DPH6: variants seen among roughly 807,000 people sequenced by gnomAD.
The protein encoded by DPH6 is diphthine--ammonia ligase.
In DPH6, 33 loss-of-function variants were observed where a neutral mutation model predicts 38.2. The observed-to-expected ratio is 0.86, with a 90% CI of 0.65 to 1.15. The LOEUF (loss-of-function observed/expected upper bound fraction) is 1.15. Ranked by LOEUF, DPH6 falls within the 50% of genes most tolerant of loss-of-function variation. The probability of loss-of-function intolerance (pLI) is 0.00; values close to 1 mark genes in which losing one functional copy is unlikely to be tolerated. For synonymous variants in DPH6, 108 were observed against 103.0 expected, an observed-to-expected ratio of 1.05 and a Z score of -0.30; for missense variants, 325 against 320.0, an observed-to-expected ratio of 1.02 and a Z score of -0.12.
intron 3 of DPH6, among the ~76,000 whole-genome samples, chr15:35,455,525 A>T (rs980938091): frequency 2.0e-5 from 3 of 152,178 alleles, no homozygotes; most frequent in African/African-American, 7.2e-5. Context: ...ACAAAGCTAG[A>T]ATGGATTAAA....
intron 3 of DPH6, among the ~76,000 whole-genome samples, chr15:35,334,023 C>G (rs1245092876): frequency 6.6e-6 from 1 of 152,054 alleles, no homozygotes; most frequent in Non-Finnish European, 1.5e-5. Flanking sequence ...AACATAGGAA[C>G]AGAAAACCAA....
At position 35,371,902 on chromosome 15, in the gene DPH6, T is replaced by A; in HGVS notation, c.*248A>T. On this transcript the variant is annotated 3_prime_UTR_variant, in exon 9 of 9. Transcript: ENST00000256538. ...TAGATGAAATAAAAGAAAAAAAAGG[T>A]CATAGGGAAGATGTGTTAACGAAAG... 8.5e-7 allele frequency: 1 copy of A among 1,175,334 alleles called. No individual in the cohort carries two copies. The highest frequency in any genetic ancestry group is 1.6e-5 in the African/African-American group (1 of 61,722). The allele number at this position is 1,175,334 out of a possible 1,614,324, so 72.8% of individuals were successfully genotyped here.
chr15:35,264,015 G>A (rs1005383384), intron 3 of DPH6, among the ~76,000 whole-genome samples: 1 of 151,600 alleles, frequency 6.6e-6, no homozygotes, highest in Non-Finnish European at 1.5e-5. Flanking sequence ...GCCCAACATA[G>A]TTTATAATTT....
At chr15:35,261,587 C>T (rs1359596308) in intron 3 of DPH6, among the ~76,000 whole-genome samples, 2 of 151,930 alleles carry the variant, frequency 1.3e-5, no homozygotes, top group African/African-American at 4.8e-5. Flanking sequence ...AATCCCAACA[C>T]TTTGGGAGGC....
rs2051874479 is a variant in DPH6, at chr15:35,278,554, G to A, written n.201-57972C>T. 2.0e-5 allele frequency among the ~76,000 whole-genome samples: 3 copies of A among 152,210 alleles called. No homozygotes were observed. In the South Asian group the frequency reaches 6.2e-4, roughly 32 times the overall value. On this transcript the variant is annotated intron_variant and non_coding_transcript_variant, in intron 3 of 3. Coordinates refer to the DPH6 transcript ENST00000560386. ...GTCCCCACCAGGGCACTGCCTAGTG[G>A]AGCAGTAAGAAGGGGGCCACTGCCT...
chr15:35,529,979 A>G (rs1336925291), intron 3 of DPH6, among the ~76,000 whole-genome samples: 1 of 152,196 alleles, frequency 6.6e-6, no homozygotes, highest in Non-Finnish European at 1.5e-5. Context: ...GGCACGACAA[A>G]TATGCTGACT....
chr15:35,456,718 C>A (rs1366479024), intron 3 of DPH6, among the ~76,000 whole-genome samples: 1 of 151,692 alleles, frequency 6.6e-6, no homozygotes, highest in Non-Finnish European at 1.5e-5. Context: ...GAACTCCTGA[C>A]CTGGTGATCC....
At chr15:35,382,788 G>C (rs1021624115) in intron 6 of DPH6, among the ~76,000 whole-genome samples, 1 of 151,888 alleles carries the variant, frequency 6.6e-6, no homozygotes, top group Admixed American at 6.6e-5. Context: ...GCCTTAAGAA[G>C]GTCCAACTTC....
At chr15:35,446,844 A>G (rs985870712) in intron 5 of DPH6, among the ~76,000 whole-genome samples, 1 of 151,282 alleles carries the variant, frequency 6.6e-6, no homozygotes, top group African/African-American at 2.4e-5. Context: ...CTGCCATTTT[A>G]TTCCTCTAGA....
chr15:35,464,198 G>A (rs1227585192), intron 3 of DPH6, among the ~76,000 whole-genome samples: 1 of 151,924 alleles, frequency 6.6e-6, no homozygotes, highest in Non-Finnish European at 1.5e-5. Flanking sequence ...GGAGGCTGAG[G>A]CAGGAGAATC....
intron 6 of DPH6, among the ~76,000 whole-genome samples, chr15:35,408,607 A>G (rs1595538282): frequency 1.3e-5 from 2 of 152,014 alleles, no homozygotes; most frequent in African/African-American, 4.8e-5. Context: ...AATGGAGCCT[A>G]AACTAGGAGT....
At chr15:35,527,330 C>A (rs1406873909) in intron 3 of DPH6, among the ~76,000 whole-genome samples, 1 of 151,986 alleles carries the variant, frequency 6.6e-6, no homozygotes, top group Non-Finnish European at 1.5e-5. Context: ...GAAAGAGATA[C>A]CCACATTTTA....
chr15:35,228,926 A>G (rs2051499823), intron 3 of DPH6, among the ~76,000 whole-genome samples: 2 of 152,104 alleles, frequency 1.3e-5, no homozygotes, highest in South Asian at 4.1e-4. Flanking sequence ...GGCATAGTGG[A>G]GCTCCATAGT....
chr15:35,546,027 G>A (rs985198880), intron 1 of DPH6, 92 bp downstream of exon 1: 3 of 1,176,936 alleles, frequency 2.5e-6, no homozygotes, highest in South Asian at 2.7e-5. Context: ...GCGCGACTCA[G>A]ACGGAGACAC....
chr15:35,310,983 C>T (rs2086915794), intron 3 of DPH6, among the ~76,000 whole-genome samples: 1 of 151,514 alleles, frequency 6.6e-6, no homozygotes, highest in Non-Finnish European at 1.5e-5. Flanking sequence ...CGCTTGAACC[C>T]GGGAGGAGGA....
At chr15:35,456,156 T>C (rs2053993517) in intron 3 of DPH6, among the ~76,000 whole-genome samples, 1 of 152,174 alleles carries the variant, frequency 6.6e-6, no homozygotes, top group Non-Finnish European at 1.5e-5. Flanking sequence ...CATTTGCTTA[T>C]AACCTTTCCC....
At chr15:35,363,647 A>C (rs1329411094) in intron 3 of DPH6, among the ~76,000 whole-genome samples, 1 of 152,060 alleles carries the variant, frequency 6.6e-6, no homozygotes. Context: ...TTAAATATAT[A>C]ATCTTACCCC....
At chr15:35,406,362 A>G (rs979867624) in intron 6 of DPH6, among the ~76,000 whole-genome samples, 4 of 152,064 alleles carry the variant, frequency 2.6e-5, no homozygotes, top group African/African-American at 9.7e-5. Flanking sequence ...GTGTCAGGGT[A>G]AGCAGTTTAA....
chr15:35,191,324 T>C, the DPH6 span, among the ~76,000 whole-genome samples: 1 of 152,310 alleles, frequency 6.6e-6, no homozygotes, highest in Admixed American at 6.5e-5. Context: ...CATGACCATG[T>C]CCTTTAAGTA....
Sources: allele counts gnomAD v4.1 joint callset (sites outside exome capture counted in the v4.1 genomes callset), GRCh38; gene constraint gnomAD v4.1.1; transcripts MANE v1.5; gene names NCBI Gene and HGNC (gene_info 2026-07-23, HGNC 2026-07-21).